The following SMAP2 variants were observed in gnomAD, a reference collection of about 807,000 sequenced individuals.
SMAP2 encodes the protein small ArfGAP2, also known as stromal membrane-associated protein 2.
A neutral mutation model predicts 56.4 loss-of-function variants in SMAP2; 25 were observed. The ratio of observed to expected loss-of-function variants is 0.44; its 90% CI spans 0.32 to 0.62. The LOEUF (loss-of-function observed/expected upper bound fraction) is 0.62. Among genes scored for constraint, SMAP2 ranks in the 20% least tolerant of loss-of-function variants. SMAP2 has a pLI of 0.04. For missense variants in SMAP2, 388 were observed against 545.6 expected (o/e 0.71, Z 2.88); for synonymous variants, 157 against 181.7 (o/e 0.86, Z 1.09).
chr1:40,349,344 T>C (rs1452916065), intron 1 of SMAP2, among the ~76,000 whole-genome samples: 1 of 152,136 alleles, frequency 6.6e-6, no homozygotes, highest in East Asian at 1.9e-4. Context: ...CTCTCATCTA[T>C]ACAGCTTCTA....
chr1:40,362,478 T>C (rs1479124326), intron 2 of SMAP2: 2 of 152,182 alleles, frequency 1.3e-5, no homozygotes, highest in African/African-American at 4.8e-5. Flanking sequence ...TCTAGAATAG[T>C]AGTTTGGGTG....
chr1:40,352,252 G>A lies in SMAP2; in HGVS notation c.-83+7342G>A, dbSNP rs144999999. Reference sequence around the variant, plus strand: ...CTTTAATGATATTAGGAACAGGGTGGAGTTCAACCTTCTCAGCACAGCATA... The same window carrying A: ...CTTTAATGATATTAGGAACAGGGTGAAGTTCAACCTTCTCAGCACAGCATA... On this transcript the variant is annotated intron_variant, in intron 1 of 6. Transcript: ENST00000435168. Among the ~76,000 whole-genome samples the A allele has an allele frequency of 7.2e-3, 1,102 of 152,196 alleles. 4 individuals are homozygous for A. Among genetic ancestry groups the A allele is most frequent in the Non-Finnish European group, 0.012 (813 of 68,020 alleles).
At chr1:40,373,604 C>G (rs1208041690), upstream of SMAP2, 1 of 153,616 alleles carries the variant, frequency 6.5e-6, no homozygotes, top group African/African-American at 2.4e-5. Flanking sequence ...CCCGCTTCTC[C>G]ACGGATTGGT....
chr1:40,364,608 G>A (rs182807888), intron 2 of SMAP2, among the ~76,000 whole-genome samples: 1 of 152,142 alleles, frequency 6.6e-6, no homozygotes, highest in Non-Finnish European at 1.5e-5. Context: ...GCTGGACATG[G>A]TGATGTACGC....
At position 40,386,449 on chromosome 1, in the gene SMAP2, A is replaced by C. The variant is rs1285526400; in HGVS notation, c.103+12226A>C. ...TTATATGAAAGAGAAAGGAAGCTTC[A>C]TTAAATGAAACATTGGAATCAGGAA... On this transcript the variant is annotated intron_variant, in intron 1 of 9. Coordinates refer to ENST00000372718, the MANE Select transcript of SMAP2 (RefSeq NM_022733.3). This position sits in a 1 kb window ranked among gnomAD's most constrained non-coding sequence, Gnocchi z 4.1. 6.6e-6 allele frequency among the ~76,000 whole-genome samples: 1 copy of C among 152,206 alleles called. No individual in the cohort carries two copies. Among genetic ancestry groups the C allele is most frequent in the Non-Finnish European group, 1.5e-5 (1 of 68,040 alleles).
chr1:40,393,201 C>T (rs1198545889), intron 1 of SMAP2: 1 of 736,824 alleles, frequency 1.4e-6, no homozygotes, highest in Non-Finnish European at 2.0e-6. Flanking sequence ...TAGCACATGC[C>T]TGTAGTCCCA....
At position 40,409,799 on chromosome 1, in the gene SMAP2, A is replaced by G; in HGVS notation, c.366A>G (p.Lys122=). The G allele has an allele frequency of 6.2e-7, 1 of 1,613,762 alleles. No homozygotes were observed. Among genetic ancestry groups the G allele is most frequent in the East Asian group, 2.2e-5 (1 of 44,882 alleles). The change falls in exon 4 of 10, where the codon AAA becomes AAG. Residue 122 remains lysine, a synonymous_variant. Coordinates refer to ENST00000372718, the MANE Select transcript of SMAP2 (RefSeq NM_022733.3). ...GFIRDKYEKK[K]YMDRSLDINA... is the part of the protein sequence containing the mutation. ...TTCGAGACAAATATGAGAAGAAGAA[A>G]TACATGGACCGAAGTCTGGACATCA...
At chr1:40,413,198 C>T (rs1370272128) in intron 5 of SMAP2, 96 bp downstream of exon 5, 4 of 890,542 alleles carry the variant, frequency 4.5e-6, no homozygotes. Flanking sequence ...TACCATTGCA[C>T]CATCACAGCT....
intron 1 of SMAP2, among the ~76,000 whole-genome samples, chr1:40,348,316 C>T (rs1183899698): frequency 6.6e-6 from 1 of 152,158 alleles, no homozygotes. Context: ...TTACAACCCC[C>T]TCCCTGCCAG....
intron 1 of SMAP2, among the ~76,000 whole-genome samples, chr1:40,397,288 G>A (rs182086682): frequency 4.6e-5 from 7 of 152,278 alleles, no homozygotes; most frequent in Middle Eastern, 6.8e-3. Context: ...ACCACATGGG[G>A]ATCATTTCTC....
intron 7 of SMAP2, among the ~76,000 whole-genome samples, chr1:40,415,885 G>C (rs1412251164): frequency 2.0e-5 from 3 of 152,202 alleles, no homozygotes; most frequent in Non-Finnish European, 4.4e-5. Context: ...GGTTATACTA[G>C]TAAATGGCTA....
In SMAP2 at chr1:40,422,972, T is replaced by G. The variant is rs1209996828; in HGVS notation, c.*871T>G. 2.0e-5 allele frequency: 3 copies of G among 152,760 alleles called. No homozygotes were observed. The highest frequency in any genetic ancestry group is 4.4e-5 in the Non-Finnish European group (3 of 68,150). The allele number at this position is 152,760 out of a possible 1,614,324, so 9.5% of individuals were successfully genotyped here. Reference sequence around the variant, plus strand: ...CTGCTCTGGGTATTTTTGTTTTTGTTTAGTTTTAGGTTTACAACAGAGAGG... The same window carrying G: ...CTGCTCTGGGTATTTTTGTTTTTGTGTAGTTTTAGGTTTACAACAGAGAGG... On this transcript the variant is annotated 3_prime_UTR_variant, in exon 10 of 10. Transcript: ENST00000372718.
intron 2 of SMAP2, among the ~76,000 whole-genome samples, chr1:40,365,837 A>G (rs1644479267): frequency 6.6e-6 from 1 of 151,932 alleles, no homozygotes; most frequent in Admixed American, 6.6e-5. Flanking sequence ...CAGCAACAGA[A>G]CAAAGCTGGA....
chr1:40,393,306 C>T, intron 1 of SMAP2: 3 of 1,514,508 alleles, frequency 2.0e-6, no homozygotes, highest in African/African-American at 1.4e-5. Flanking sequence ...CAAACCCTAT[C>T]TTAGAAGAAC....
chr1:40,371,508 G>T (rs551013449), upstream of SMAP2, among the ~76,000 whole-genome samples: 10 of 152,182 alleles, frequency 6.6e-5, no homozygotes, highest in Non-Finnish European at 1.3e-4. Context: ...CTATGGGCTG[G>T]CAGAGAGCTC....
At chr1:40,347,251 GTTT>G (rs1162670774) in intron 1 of SMAP2, among the ~76,000 whole-genome samples, 2 of 64,344 alleles carry the variant, frequency 3.1e-5, no homozygotes, top group East Asian at 6.5e-4. Flanking sequence ...TTTTGTTTTT[GTTT>G]TTTTTTTTTT....
In SMAP2 at chr1:40,388,562, C is replaced by T. The variant is rs182249174; in HGVS notation, c.103+14339C>T. Among the ~76,000 whole-genome samples the T allele has an allele frequency of 2.2e-3, 337 of 152,142 alleles. 1 individual carries two copies. In the Middle Eastern group the frequency reaches 0.034, roughly 15 times the overall value. ...GGGATTTGGAGAACCTTTGTGTCCA[C>T]ACTCTGTATCTAGCTAATCTGGTGG... is the stretch of plus-strand genomic sequence containing the variant. On this transcript the variant is annotated intron_variant, in intron 1 of 9. Coordinates refer to ENST00000372718, the MANE Select transcript of SMAP2 (RefSeq NM_022733.3).
intron 1 of SMAP2, among the ~76,000 whole-genome samples, chr1:40,353,993 G>A (rs1173200272): frequency 6.6e-6 from 1 of 152,156 alleles, no homozygotes; most frequent in Non-Finnish European, 1.5e-5. Context: ...ACAATAGGTT[G>A]AGGATGGCAA....
chr1:40,393,500 A>G (rs1285516462), intron 1 of SMAP2: 2 of 1,518,100 alleles, frequency 1.3e-6, no homozygotes, highest in African/African-American at 1.4e-5. Context: ...TATTTGTGAG[A>G]GACTGTAAGT....
Sources: gnomAD v4.1 joint callset for allele counts (sites outside exome capture counted in the v4.1 genomes callset) on GRCh38, gnomAD v4.1.1 for gene constraint, Gnocchi (gnomAD v3.1) non-coding constraint, MANE v1.5 for transcripts, NCBI Gene and HGNC (gene_info 2026-07-23, HGNC 2026-07-21) for gene names.